The following BRD4 variants were observed in gnomAD, a reference collection of about 807,000 sequenced individuals.
BRD4 encodes the protein bromodomain-containing protein 4.
BRD4 carries 16 observed loss-of-function variants against 142.1 expected under a neutral mutation model. That is an observed-to-expected ratio of 0.11 (90% CI 0.08 to 0.17). The LOEUF is 0.17. Among genes scored for constraint, BRD4 ranks in the 10% least tolerant of loss-of-function variants. The pLI is 1.00. For missense variants in BRD4, 1,424 were observed against 1,810.9 expected (o/e 0.79, Z 3.88); for synonymous variants, 833 against 707.5 (o/e 1.18, Z -2.82).
intron 1 of BRD4, among the ~76,000 whole-genome samples, chr19:15,327,442 G>A (rs1040771946): frequency 6.6e-6 from 1 of 152,188 alleles, no homozygotes; most frequent in African/African-American, 2.4e-5. Flanking sequence ...TACTTGGGAG[G>A]TTGAAGCAGG....
At chr19:15,307,315 C>T (rs2047922867) in intron 1 of BRD4, among the ~76,000 whole-genome samples, 1 of 152,196 alleles carries the variant, frequency 6.6e-6, no homozygotes, top group Admixed American at 6.5e-5. Flanking sequence ...ACAAGCAGAG[C>T]TAACTCTGAC....
intron 1 of BRD4, among the ~76,000 whole-genome samples, chr19:15,325,736 C>T (rs1191245340): frequency 6.6e-6 from 1 of 152,060 alleles, no homozygotes; most frequent in African/African-American, 2.4e-5. Flanking sequence ...AAGTGGCTCA[C>T]ACCTATAATC....
At chr19:15,313,693 A>T (rs6512022) in intron 1 of BRD4, among the ~76,000 whole-genome samples, 1 of 152,010 alleles carries the variant, frequency 6.6e-6, no homozygotes, top group African/African-American at 2.4e-5. Flanking sequence ...GTGTGAATGT[A>T]ATGATTTAGT....
intron 1 of BRD4, among the ~76,000 whole-genome samples, chr19:15,274,356 G>A (rs537889208): frequency 6.6e-6 from 1 of 152,312 alleles, no homozygotes; most frequent in Admixed American, 6.5e-5. Context: ...TGACCAATGG[G>A]GACAAGTGTG....
intron 10 of BRD4, 84 bp downstream of exon 10, chr19:15,255,213 G>C: frequency 7.5e-7 from 1 of 1,331,532 alleles, no homozygotes; most frequent in East Asian, 2.3e-5. Context: ...GGGGGGCGCA[G>C]AAAGAGTGGA....
rs1466909216 is a variant in BRD4 at position 15,237,448 on chromosome 19, T to C, written c.*929A>G. On this transcript the variant is annotated 3_prime_UTR_variant, in exon 20 of 20. Transcript: ENST00000679869. ...CACCAACAAACTTCAAACAAAGATA[T>C]GCCAACTATGTTCACTATACAGTAC... 1 of 225,188 alleles carries C rather than the reference T, an allele frequency of 4.4e-6. No individual in the cohort carries two copies. The highest frequency in any genetic ancestry group is 6.3e-5 in the East Asian group (1 of 15,806). The allele number at this position is 225,188 out of a possible 1,614,324, so 13.9% of individuals were successfully genotyped here.
intron 14 of BRD4, among the ~76,000 whole-genome samples, chr19:15,242,383 G>A (rs1313422796): frequency 6.6e-6 from 1 of 152,184 alleles, no homozygotes; most frequent in Admixed American, 6.5e-5. Context: ...AATGGGAAAA[G>A]GGTGGCGTGG....
intron 14 of BRD4, among the ~76,000 whole-genome samples, chr19:15,241,065 C>A (rs941709986): frequency 5.9e-5 from 9 of 152,248 alleles, no homozygotes; most frequent in African/African-American, 2.2e-4. Context: ...CCACTCCTAA[C>A]GCCAGAAGAC....
At chr19:15,277,091 T>G (rs778745554) in intron 1 of BRD4, among the ~76,000 whole-genome samples, 1 of 152,204 alleles carries the variant, frequency 6.6e-6, no homozygotes, top group South Asian at 2.1e-4. Context: ...TAAAAACTGC[T>G]GCTCCCTCTC....
intron 11 of BRD4, chr19:15,248,957 T>C (rs1459430018): frequency 1.9e-5 from 9 of 480,572 alleles, no homozygotes; most frequent in South Asian, 5.0e-5. Context: ...AATGCATGTG[T>C]TGGGGATTGT....
At chr19:15,272,495 C>T (rs188204615) in intron 2 of BRD4, among the ~76,000 whole-genome samples, 117 of 152,278 alleles carry the variant, frequency 7.7e-4, no homozygotes, top group Non-Finnish European at 1.4e-3. Context: ...GCTAGGATGG[C>T]CAAGTGCTCT....
rs1270236666 is a variant in BRD4, at chr19:15,243,281, G to A, written c.2788C>T (p.Leu930=). ...APPLTSMQMQ[L]YLQQLQKVQP... ...ACCTTCTGCAGCTGCTGCAGGTACAGCTGCATCTGCATGGAGGTGAGGGGT... is the reference window on the plus strand; with the variant it reads ...ACCTTCTGCAGCTGCTGCAGGTACAACTGCATCTGCATGGAGGTGAGGGGT... Residue 930 remains leucine, a synonymous_variant, in exon 14 of 20, where the codon CTG becomes TTG. Transcript: ENST00000679869. The A allele has an allele frequency of 6.7e-7, 1 of 1,487,212 alleles. No homozygotes were observed. Among genetic ancestry groups the A allele is most frequent in the Non-Finnish European group, 9.0e-7 (1 of 1,115,698 alleles). 92.1% of individuals were successfully genotyped at this position (1,487,212 alleles called of 1,614,324 possible).
At chr19:15,329,982 T>C (rs1360656283) in intron 1 of BRD4, among the ~76,000 whole-genome samples, 1 of 152,250 alleles carries the variant, frequency 6.6e-6, no homozygotes. Flanking sequence ...ATGATTCTCG[T>C]TATTCTTAGC....
chr19:15,240,275 G>T (rs1026574337), intron 14 of BRD4, among the ~76,000 whole-genome samples: 31 of 152,202 alleles, frequency 2.0e-4, no homozygotes, highest in Non-Finnish European at 4.3e-4. Flanking sequence ...AACTCAGTGT[G>T]CAGCAGAGCT....
intron 1 of BRD4, among the ~76,000 whole-genome samples, chr19:15,275,359 A>G (rs1255828544): frequency 6.6e-6 from 1 of 152,208 alleles, no homozygotes; most frequent in Non-Finnish European, 1.5e-5. Flanking sequence ...TCCCCACTTT[A>G]CAGATAGGGA....
chr19:15,321,126 C>T (rs1389363023), intron 1 of BRD4, among the ~76,000 whole-genome samples: 1 of 151,944 alleles, frequency 6.6e-6, no homozygotes, highest in Non-Finnish European at 1.5e-5. Context: ...CCCAGCTACT[C>T]GGGAGGCTGA....
chr19:15,267,382 G>A, intron 4 of BRD4, 34 bp downstream of exon 4: 2 of 1,607,900 alleles, frequency 1.2e-6, no homozygotes, highest in Non-Finnish European at 1.7e-6. Flanking sequence ...AGGTCGGGGA[G>A]AAAGCCAATT....
Position 15,239,734 on chromosome 19 carries a change from G to T in BRD4, c.3370C>A (p.Pro1124Thr). Reference sequence around the variant, plus strand: ...TCCGGCCGCAGCGAGGGGCTGAAGGGCTCGCTGCGGATGATGGGTGAGTGG... The same window carrying T: ...TCCGGCCGCAGCGAGGGGCTGAAGGTCTCGCTGCGGATGATGGGTGAGTGG... The part of the protein sequence containing the change: ...KIHSPIIRSE[P>T]FSPSLRPEPP... Residue 1124 changes from proline to threonine, a missense_variant, in exon 16 of 20, where the codon CCC becomes ACC. Around this residue, in one of 16 missense-constraint regions of BRD4, gnomAD observed 598 missense variants for 647.8 expected, o/e 0.92. Coordinates refer to ENST00000679869, the MANE Select transcript of BRD4 (RefSeq NM_001379291.1). This position sits in a 1 kb window ranked among gnomAD's most constrained non-coding sequence, Gnocchi z 7.4. 1 of 1,605,464 alleles carries T rather than the reference G, an allele frequency of 6.2e-7. No individual in the cohort carries two copies.
chr19:15,255,762 G>C (rs1248372597), intron 9 of BRD4, among the ~76,000 whole-genome samples, 170 bp from the exon 10 acceptor site: 1 of 152,242 alleles, frequency 6.6e-6, no homozygotes, highest in African/African-American at 2.4e-5. Flanking sequence ...GCACCCAGTG[G>C]AGACCGAAGC....
Sources: allele counts gnomAD v4.1 joint callset (sites outside exome capture counted in the v4.1 genomes callset), GRCh38; gene constraint gnomAD v4.1.1; regional missense constraint gnomAD v4.1.1; non-coding constraint Gnocchi (gnomAD v3.1); transcripts MANE v1.5; gene names NCBI Gene and HGNC (gene_info 2026-07-23, HGNC 2026-07-21).